SLC2A13: variants seen among roughly 807,000 people sequenced by gnomAD.
The protein encoded by SLC2A13 is proton myo-inositol cotransporter.
Under a neutral mutation model 64.4 loss-of-function variants are expected in SLC2A13, and 32 were observed. That is an observed-to-expected ratio of 0.50 (90% CI 0.37 to 0.67). The LOEUF (loss-of-function observed/expected upper bound fraction) is 0.67, where lower values mean the gene tolerates loss of function less well. Ranked by LOEUF, SLC2A13 falls within the 30% of genes least tolerant of loss-of-function variation. The pLI, the probability that SLC2A13 is intolerant of heterozygous loss-of-function variation, is 0.00. For synonymous variants in SLC2A13, 338 were observed against 327.1 expected, an observed-to-expected ratio of 1.03 and a Z score of -0.36; for missense variants, 743 against 829.2, an observed-to-expected ratio of 0.90 and a Z score of 1.28.
chr12:39,973,817 T>C (rs972849472), intron 3 of SLC2A13, among the ~76,000 whole-genome samples: 12 of 152,240 alleles, frequency 7.9e-5, no homozygotes, highest in Non-Finnish European at 1.8e-4. Flanking sequence ...TTTTCTCTCT[T>C]AGTAGGCTCT....
chr12:40,069,555 GCAA>G (rs775214971), intron 1 of SLC2A13, among the ~76,000 whole-genome samples: 173 of 151,700 alleles, frequency 1.1e-3, no homozygotes, highest in Non-Finnish European at 1.7e-3. Flanking sequence ...TAATTCATTA[GCAA>G]CTGCTAAATT....
chr12:39,855,289 CAA>C (rs760743798), intron 6 of SLC2A13, among the ~76,000 whole-genome samples: 2 of 152,088 alleles, frequency 1.3e-5, no homozygotes, highest in African/African-American at 2.4e-5. Flanking sequence ...TTTTATATAA[CAA>C]GTTTATTTTT....
chr12:40,074,166 ATT>A (rs34071336), intron 1 of SLC2A13, among the ~76,000 whole-genome samples: 7,124 of 121,850 alleles, frequency 0.058, 349 homozygotes, highest in Admixed American at 0.13. Context: ...CATCAAAGAC[ATT>A]TTTTTTTTTT....
At chr12:39,979,152 C>T (rs1171456745) in intron 3 of SLC2A13, among the ~76,000 whole-genome samples, 9 of 148,886 alleles carry the variant, frequency 6.0e-5, no homozygotes, top group Admixed American at 2.7e-4. Flanking sequence ...GAAAGGACAT[C>T]CACACCAAAA....
At chr12:39,964,543 A>G (rs1946472509) in intron 3 of SLC2A13, among the ~76,000 whole-genome samples, 1 of 152,202 alleles carries the variant, frequency 6.6e-6, no homozygotes, top group South Asian at 2.1e-4. Flanking sequence ...ACATATAACC[A>G]TATCTTCCAT....
At chr12:39,975,431 G>A (rs1946741820) in intron 3 of SLC2A13, among the ~76,000 whole-genome samples, 1 of 152,144 alleles carries the variant, frequency 6.6e-6, no homozygotes, top group Admixed American at 6.5e-5. Flanking sequence ...ATAAAAATAT[G>A]TTCGTGTAAT....
At chr12:40,040,758 T>G (rs1645310182) in intron 2 of SLC2A13, among the ~76,000 whole-genome samples, 1 of 152,204 alleles carries the variant, frequency 6.6e-6, no homozygotes, top group South Asian at 2.1e-4. Context: ...CTATCATTCT[T>G]AAAATGACCA....
chr12:40,052,682 A>G (rs370483707), intron 1 of SLC2A13, among the ~76,000 whole-genome samples: 1 of 152,188 alleles, frequency 6.6e-6, no homozygotes, highest in African/African-American at 2.4e-5. Flanking sequence ...TTGCTGGACT[A>G]TATTTCTTCA....
intron 7 of SLC2A13, among the ~76,000 whole-genome samples, chr12:39,821,172 C>G (rs573577180): frequency 6.6e-6 from 1 of 152,076 alleles, no homozygotes; most frequent in African/African-American, 2.4e-5. Context: ...CCAGCACTTT[C>G]GGAGACCAAG....
rs138553058 is a variant in SLC2A13 at position 40,079,903 on chromosome 12, C to T, written c.556+25350G>A. On this transcript the variant is annotated intron_variant, in intron 1 of 9. Coordinates refer to ENST00000280871, the MANE Select transcript of SLC2A13 (RefSeq NM_052885.4). ...TTTGAGATGGAGTCTCACTCTGTGCCACCCAGCTGGAGTGCAGTGGCACAA... is the reference window on the plus strand; with the variant it reads ...TTTGAGATGGAGTCTCACTCTGTGCTACCCAGCTGGAGTGCAGTGGCACAA... 2.5e-3 allele frequency among the ~76,000 whole-genome samples: 383 copies of T among 152,218 alleles called. 1 individual carries two copies. Among genetic ancestry groups the T allele is most frequent in the African/African-American group, 9.0e-3 (372 of 41,516 alleles).
At chr12:39,799,937 A>T (rs1255007071) in intron 7 of SLC2A13, among the ~76,000 whole-genome samples, 1 of 152,218 alleles carries the variant, frequency 6.6e-6, no homozygotes, top group Non-Finnish European at 1.5e-5. Context: ...CCTTAGAGTA[A>T]GAAGTGTTCC....
intron 2 of SLC2A13, among the ~76,000 whole-genome samples, chr12:40,040,523 T>G (rs1401392190): frequency 1.3e-5 from 2 of 152,116 alleles, no homozygotes; most frequent in African/African-American, 4.8e-5. Context: ...CCTGAGTAGC[T>G]GAGATTACAG....
At chr12:40,097,994 T>A (rs1251024550) in intron 1 of SLC2A13, among the ~76,000 whole-genome samples, 1 of 151,920 alleles carries the variant, frequency 6.6e-6, no homozygotes, top group East Asian at 1.9e-4. Context: ...AACAGACGAA[T>A]GGATAGATTA....
intron 4 of SLC2A13, among the ~76,000 whole-genome samples, chr12:39,941,797 T>G (rs1483632029): frequency 2.0e-5 from 3 of 152,212 alleles, no homozygotes; most frequent in Admixed American, 2.0e-4. Flanking sequence ...GCCAGTGTCT[T>G]GAAGGGTTTC....
chr12:39,926,893 A>T (rs969945821), intron 4 of SLC2A13, among the ~76,000 whole-genome samples: 3 of 152,114 alleles, frequency 2.0e-5, no homozygotes, highest in African/African-American at 7.2e-5. Flanking sequence ...GGGAAAACGG[A>T]CGTGAGCCAC....
rs1228157330 is a variant in SLC2A13, at chr12:40,105,024, G to A, written c.556+229C>T. 6.6e-6 allele frequency among the ~76,000 whole-genome samples: 1 copy of A among 152,164 alleles called. No homozygotes were observed. Among genetic ancestry groups the A allele is most frequent in the Non-Finnish European group, 1.5e-5 (1 of 68,036 alleles). On this transcript the variant is annotated intron_variant, in intron 1 of 9. Transcript: ENST00000280871. This position sits in a 1 kb window ranked among gnomAD's most constrained non-coding sequence, Gnocchi z 4.2. Reference sequence around the variant, plus strand: ...GTGGCCTATCAAAGATTCCACGTGCGCTCGAGGGAGACTAGAGTGACACCC... The same window carrying A: ...GTGGCCTATCAAAGATTCCACGTGCACTCGAGGGAGACTAGAGTGACACCC...
intron 7 of SLC2A13, among the ~76,000 whole-genome samples, chr12:39,783,333 G>A (rs1229865311): frequency 4.6e-5 from 7 of 152,132 alleles, no homozygotes; most frequent in African/African-American, 7.2e-5. Context: ...ATAAACATAC[G>A]TGTGCATGTG....
chr12:40,088,533 C>A (rs1938660679), intron 1 of SLC2A13, among the ~76,000 whole-genome samples: 1 of 152,138 alleles, frequency 6.6e-6, no homozygotes, highest in Admixed American at 6.6e-5. Context: ...CAAAGCTCTA[C>A]AGAAGTGGGA....
intron 7 of SLC2A13, among the ~76,000 whole-genome samples, chr12:39,814,680 A>G (rs542200205): frequency 2.0e-5 from 3 of 152,298 alleles, no homozygotes; most frequent in African/African-American, 7.2e-5. Context: ...ATCTCATACA[A>G]TTACGTCTGC....
Sources: gnomAD v4.1 joint callset for allele counts (sites outside exome capture counted in the v4.1 genomes callset) on GRCh38, gnomAD v4.1.1 for gene constraint, Gnocchi (gnomAD v3.1) non-coding constraint, MANE v1.5 for transcripts, NCBI Gene and HGNC (gene_info 2026-07-23, HGNC 2026-07-21) for gene names.